NCAM2: variants seen among roughly 807,000 people sequenced by gnomAD.
NCAM2 encodes the protein N-CAM-2.
NCAM2 carries 30 observed loss-of-function variants against 98.1 expected under a neutral mutation model. The observed-to-expected ratio is 0.31, with a 90% confidence interval of 0.23 to 0.41. NCAM2 has a LOEUF of 0.41. NCAM2 is among the 10% of genes least tolerant of loss of function. The pLI, the probability that NCAM2 is intolerant of heterozygous loss-of-function variation, is 1.00. For missense variants in NCAM2, 867 were observed against 1,005.8 expected, an observed-to-expected ratio of 0.86 and a Z score of 1.87; for synonymous variants, 368 against 342.4, an observed-to-expected ratio of 1.07 and a Z score of -0.83.
At chr21:21,455,113 C>T (rs1410638356) in intron 12 of NCAM2, among the ~76,000 whole-genome samples, 1 of 147,798 alleles carries the variant, frequency 6.8e-6, no homozygotes, top group Non-Finnish European at 1.5e-5. Flanking sequence ...TTACGTCTAC[C>T]ATTATAAATT....
At chr21:21,198,004 G>A (rs1453552224) in intron 1 of NCAM2, among the ~76,000 whole-genome samples, 1 of 152,074 alleles carries the variant, frequency 6.6e-6, no homozygotes, top group African/African-American at 2.4e-5. Flanking sequence ...GCCAAATTAT[G>A]TTAATATTAA....
At chr21:21,490,561 T>C (rs1464377596) in intron 15 of NCAM2, among the ~76,000 whole-genome samples, 5 of 151,886 alleles carry the variant, frequency 3.3e-5, no homozygotes, top group African/African-American at 1.2e-4. Context: ...TTAGAAAATA[T>C]ATTTTTATTT....
intron 1 of NCAM2, among the ~76,000 whole-genome samples, chr21:21,254,637 G>A (rs2071596378): frequency 6.6e-6 from 1 of 152,086 alleles, no homozygotes. Context: ...GGCTGAAGTT[G>A]GCCCTATGAT....
chr21:21,511,908 C>T (rs545656558), intron 16 of NCAM2, among the ~76,000 whole-genome samples: 3 of 152,090 alleles, frequency 2.0e-5, no homozygotes, highest in African/African-American at 7.2e-5. Context: ...AGAGAAATGT[C>T]TATCCAGATC....
chr21:21,252,142 A>G (rs1448112875), intron 1 of NCAM2, among the ~76,000 whole-genome samples: 1 of 152,130 alleles, frequency 6.6e-6, no homozygotes, highest in Admixed American at 6.5e-5. Context: ...AATCAAAACC[A>G]CAATGAGATA....
intron 12 of NCAM2, among the ~76,000 whole-genome samples, chr21:21,462,282 G>A (rs897941051): frequency 2.0e-5 from 3 of 152,010 alleles, no homozygotes; most frequent in South Asian, 2.1e-4. Context: ...AATTGCTTAC[G>A]TTGAATAGGA....
chr21:21,145,476 TG>T lies in NCAM2; in HGVS notation c.56-135101del, dbSNP rs373551268. ...AAAAATTCTTTTGTCCATCAAAGTATGCAATATGTCTTATAACAAATTAAAT... is the reference window on the plus strand; with the variant it reads ...AAAAATTCTTTTGTCCATCAAAGTATCAATATGTCTTATAACAAATTAAAT... On this transcript the variant is annotated intron_variant, in intron 1 of 17. Coordinates refer to ENST00000400546, the MANE Select transcript of NCAM2 (RefSeq NM_004540.5). 2.7e-3 allele frequency among the ~76,000 whole-genome samples: 412 copies of T among 152,314 alleles called. 8 individuals are homozygous for T. The South Asian group carries it at 0.041, about 15-fold the overall frequency.
rs551816928 is a variant in NCAM2 at position 21,089,758 on chromosome 21, G to A, written c.55+91140G>A. On this transcript the variant is annotated intron_variant, in intron 1 of 17. Transcript: ENST00000400546. Reference sequence around the variant, plus strand: ...AAGTGCATTTAAGGTGTCTGGCCACGTGTTTCTGAAAATCAGCTACCGATG... The same window carrying A: ...AAGTGCATTTAAGGTGTCTGGCCACATGTTTCTGAAAATCAGCTACCGATG... Among the ~76,000 whole-genome samples the A allele has an allele frequency of 2.6e-5, 4 of 152,236 alleles. 1 individual carries two copies. The highest frequency in any genetic ancestry group is 7.2e-5 in the African/African-American group (3 of 41,528).
At chr21:21,371,807 C>T (rs1292313974) in intron 8 of NCAM2, among the ~76,000 whole-genome samples, 2 of 151,666 alleles carry the variant, frequency 1.3e-5, no homozygotes, top group African/African-American at 4.8e-5. Context: ...GAAACTATTA[C>T]AGTTTGCTCA....
chr21:21,145,437 A>G (rs1481438596), intron 1 of NCAM2, among the ~76,000 whole-genome samples: 1 of 152,230 alleles, frequency 6.6e-6, no homozygotes, highest in East Asian at 1.9e-4. Context: ...CACAATGATG[A>G]TAACAATCTT....
chr21:21,175,751 G>A (rs1254670426), intron 1 of NCAM2, among the ~76,000 whole-genome samples: 1 of 152,104 alleles, frequency 6.6e-6, no homozygotes, highest in Non-Finnish European at 1.5e-5. Flanking sequence ...AGGAAGCCAT[G>A]GAGAGAAGAG....
At chr21:21,222,413 A>C (rs555253406) in intron 1 of NCAM2, among the ~76,000 whole-genome samples, 49 of 152,252 alleles carry the variant, frequency 3.2e-4, no homozygotes, top group African/African-American at 1.2e-3. Context: ...TCTGGAAAGG[A>C]TTTACCACTC....
chr21:21,289,665 T>A (rs2073225053), intron 4 of NCAM2, among the ~76,000 whole-genome samples: 1 of 151,900 alleles, frequency 6.6e-6, no homozygotes. Flanking sequence ...TGAGTAAATC[T>A]AACTAGGATT....
At position 21,135,005 on chromosome 21, in the gene NCAM2, C is replaced by T. The variant is rs373936854; in HGVS notation, c.55+136387C>T. 9.9e-5 allele frequency among the ~76,000 whole-genome samples: 15 copies of T among 150,978 alleles called. 1 individual carries two copies. The highest frequency in any genetic ancestry group is 2.4e-4 in the African/African-American group (10 of 41,076). ...ATCCCAGCACTTTGGGAGGCCGAGG[C>T]GGGCAGATCACGAGGTCAGGAGATC... On this transcript the variant is annotated intron_variant, in intron 1 of 17. Coordinates refer to ENST00000400546, the MANE Select transcript of NCAM2 (RefSeq NM_004540.5).
intron 1 of NCAM2, among the ~76,000 whole-genome samples, chr21:21,147,864 A>G (rs1256654562): frequency 1.3e-5 from 2 of 151,032 alleles, no homozygotes; most frequent in Non-Finnish European, 3.0e-5. Context: ...TTAAATTAGG[A>G]TAATTTTTCA....
chr21:21,211,863 A>G (rs1278547908), intron 1 of NCAM2, among the ~76,000 whole-genome samples: 1 of 152,146 alleles, frequency 6.6e-6, no homozygotes, highest in Non-Finnish European at 1.5e-5. Flanking sequence ...TGAGGATAGG[A>G]ACTTGTCAAG....
chr21:21,511,379 C>T (rs148357717), intron 16 of NCAM2, among the ~76,000 whole-genome samples: 71 of 152,032 alleles, frequency 4.7e-4, no homozygotes, highest in African/African-American at 1.6e-3. Flanking sequence ...AATGAAAACA[C>T]ACAATATTTT....
chr21:21,432,110 G>A lies in NCAM2; in HGVS notation c.1483G>A (p.Val495Met), dbSNP rs2077358695. Residue 495 changes from valine (V) to methionine (M), a missense_variant and splice_region_variant, in exon 12 of 18, where the codon GTG becomes ATG. Transcript: ENST00000400546. Reference sequence around the variant, plus strand: ...TCTTTATATTTCTTTGTCCATAGACGTGCCATCCAGTCCCTATGGAGTGAA... The same window carrying A: ...TCTTTATATTTCTTTGTCCATAGACATGCCATCCAGTCCCTATGGAGTGAA... Reference protein sequence around the residue: ...FQEYILALADVPSSPYGVKII... With the variant: ...FQEYILALADMPSSPYGVKII... The A allele has an allele frequency of 1.2e-6, 2 of 1,612,696 alleles. No individual in the cohort carries two copies. Among genetic ancestry groups the A allele is most frequent in the Non-Finnish European group, 8.5e-7 (1 of 1,179,172 alleles).
intron 1 of NCAM2, among the ~76,000 whole-genome samples, chr21:21,132,028 G>T (rs2066946537): frequency 6.6e-6 from 1 of 152,190 alleles, no homozygotes; most frequent in Non-Finnish European, 1.5e-5. Context: ...AAATCTGGGT[G>T]TTAGCATCTG....
Sources: gnomAD v4.1 joint callset for allele counts (sites outside exome capture counted in the v4.1 genomes callset) on GRCh38, gnomAD v4.1.1 for gene constraint, MANE v1.5 for transcripts, NCBI Gene and HGNC (gene_info 2026-07-23, HGNC 2026-07-21) for gene names.